LRRC4C: variants seen among roughly 807,000 people sequenced by gnomAD.
The protein encoded by LRRC4C is leucine-rich repeat-containing protein 4C.
LRRC4C carries 5 observed loss-of-function variants against 33.6 expected under a neutral mutation model. The observed-to-expected ratio is 0.15, with a 90% CI of 0.08 to 0.31. The LOEUF (loss-of-function observed/expected upper bound fraction) is 0.31, where lower values mean the gene tolerates loss of function less well. Among genes scored for constraint, LRRC4C ranks in the 10% least tolerant of loss-of-function variants. The probability of loss-of-function intolerance (pLI) is 1.00; values close to 1 mark genes in which losing one functional copy is unlikely to be tolerated. For missense variants in LRRC4C, 560 were observed against 796.7 expected, an observed-to-expected ratio of 0.70 and a Z score of 3.58; for synonymous variants, 329 against 302.0, an observed-to-expected ratio of 1.09 and a Z score of -0.93.
At chr11:40,643,921 C>T (rs1942274738) in intron 3 of LRRC4C, among the ~76,000 whole-genome samples, 1 of 152,112 alleles carries the variant, frequency 6.6e-6, no homozygotes, top group African/African-American at 2.4e-5. Flanking sequence ...CTCATAATAT[C>T]ATACTCAAAA....
In LRRC4C at chr11:40,380,968, T is replaced by C. The variant is rs183570301; in HGVS notation, c.-269-61247A>G. ...GCTATTCCGTGCATGCGAGTCTCTG[T>C]GTGTGCATGTGTGTGCACTTAGCTC... is the stretch of plus-strand genomic sequence containing the variant. On this transcript the variant is annotated intron_variant, in intron 3 of 6. Coordinates refer to ENST00000528697, the MANE Select transcript of LRRC4C (RefSeq NM_001258419.2). Among the ~76,000 whole-genome samples, 679 of 152,332 alleles carry C rather than the reference T, an allele frequency of 4.5e-3. 5 individuals carry two copies. The highest frequency in any genetic ancestry group is 0.018 in the Admixed American group (272 of 15,298).
intron 2 of LRRC4C, among the ~76,000 whole-genome samples, chr11:40,876,077 T>A (rs1404086264): frequency 6.6e-6 from 1 of 152,068 alleles, no homozygotes; most frequent in Non-Finnish European, 1.5e-5. Flanking sequence ...TTTTGTGGCA[T>A]CCTCAGGATA....
chr11:40,705,618 T>C (rs1279031690), intron 2 of LRRC4C, among the ~76,000 whole-genome samples: 1 of 151,824 alleles, frequency 6.6e-6, no homozygotes, highest in East Asian at 2.0e-4. Context: ...GATGGACATA[T>C]GGGTTGGTTC....
intron 2 of LRRC4C, among the ~76,000 whole-genome samples, chr11:40,931,654 G>GGTGTGTGT (rs571620765): frequency 1.3e-5 from 2 of 151,660 alleles, no homozygotes; most frequent in Non-Finnish European, 2.9e-5. Flanking sequence ...AGGATAAAGG[G>GGTGTGTGT]GTGTGTATGT....
chr11:40,903,027 G>A (rs1322564634), intron 2 of LRRC4C, among the ~76,000 whole-genome samples: 1 of 152,154 alleles, frequency 6.6e-6, no homozygotes, highest in Non-Finnish European at 1.5e-5. Flanking sequence ...CTTTATGTTG[G>A]AAGAAGATGC....
chr11:40,134,800 T>C (rs544759351), intron 6 of LRRC4C, among the ~76,000 whole-genome samples: 2 of 152,364 alleles, frequency 1.3e-5, no homozygotes, highest in South Asian at 2.1e-4. Flanking sequence ...GATTTCTGTA[T>C]ATTTTTTAGT....
intron 1 of LRRC4C, among the ~76,000 whole-genome samples, chr11:41,086,450 G>A (rs1019524236): frequency 1.6e-4 from 24 of 152,094 alleles, no homozygotes; most frequent in Admixed American, 8.5e-4. Context: ...ATTGTAAAAC[G>A]TTGCTATAAA....
At chr11:40,159,598 T>C (rs1858992375) in intron 5 of LRRC4C, among the ~76,000 whole-genome samples, 1 of 152,214 alleles carries the variant, frequency 6.6e-6, no homozygotes, top group African/African-American at 2.4e-5. Flanking sequence ...TTCATAGTTC[T>C]CCAGATGTGC....
chr11:40,504,895 T>A (rs562270971), intron 3 of LRRC4C, among the ~76,000 whole-genome samples: 1 of 152,302 alleles, frequency 6.6e-6, no homozygotes, highest in Non-Finnish European at 1.5e-5. Flanking sequence ...TTAAACCACG[T>A]AAACAGTACT....
At chr11:40,901,999 T>TCCAC (rs1956224533) in intron 2 of LRRC4C, among the ~76,000 whole-genome samples, 1 of 139,738 alleles carries the variant, frequency 7.2e-6, no homozygotes, top group Non-Finnish European at 1.6e-5. Context: ...TCTCTCTCTC[T>TCCAC]ACACACACAC....
At chr11:40,987,111 A>G (rs1853072753) in intron 1 of LRRC4C, among the ~76,000 whole-genome samples, 1 of 152,134 alleles carries the variant, frequency 6.6e-6, no homozygotes, top group African/African-American at 2.4e-5. Flanking sequence ...CTGAACAAAC[A>G]TGTATTAGAA....
chr11:40,460,254 G>A lies in LRRC4C; in HGVS notation c.-269-140533C>T, dbSNP rs141308432. Among the ~76,000 whole-genome samples, 12 of 152,082 alleles carry A rather than the reference G, an allele frequency of 7.9e-5. No individual in the cohort carries two copies. In the East Asian group the frequency reaches 2.3e-3, roughly 30 times the overall value. ...ACTGTGCTACATGTTTGCAATACAT[G>A]GTTTCTGTACTACAGAACCTAACAT... On this transcript the variant is annotated intron_variant, in intron 3 of 6. Transcript: ENST00000528697.
intron 3 of LRRC4C, among the ~76,000 whole-genome samples, chr11:40,608,281 T>C (rs1960843072): frequency 6.6e-6 from 1 of 152,146 alleles, no homozygotes; most frequent in Non-Finnish European, 1.5e-5. Context: ...AGTGCTTTTA[T>C]GTAATTGAAA....
intron 5 of LRRC4C, among the ~76,000 whole-genome samples, chr11:40,190,994 G>T (rs576433860): frequency 1.3e-5 from 2 of 152,278 alleles, no homozygotes; most frequent in Non-Finnish European, 2.9e-5. Flanking sequence ...TTAGTTTTTT[G>T]ATCTAGTCAG....
chr11:41,154,874 T>C (rs1590775149), intron 1 of LRRC4C, among the ~76,000 whole-genome samples: 1 of 152,128 alleles, frequency 6.6e-6, no homozygotes, highest in Non-Finnish European at 1.5e-5. Context: ...AAAGTTTAAA[T>C]TTGAAGATAA....
intron 2 of LRRC4C, among the ~76,000 whole-genome samples, chr11:40,731,806 A>G (rs868721982): frequency 1.3e-5 from 2 of 152,206 alleles, no homozygotes; most frequent in African/African-American, 4.8e-5. Flanking sequence ...CACAGTTAAC[A>G]AAAGTAAACA....
chr11:40,775,817 A>C (rs1476668323), intron 2 of LRRC4C, among the ~76,000 whole-genome samples: 1 of 152,184 alleles, frequency 6.6e-6, no homozygotes, highest in African/African-American at 2.4e-5. Context: ...ACCCTGTTGA[A>C]CAGGAATGGT....
intron 1 of LRRC4C, among the ~76,000 whole-genome samples, chr11:41,227,723 A>C (rs1947605309): frequency 6.6e-6 from 1 of 152,046 alleles, no homozygotes; most frequent in Non-Finnish European, 1.5e-5. Flanking sequence ...AAATAATTGA[A>C]GTCCACTTTG....
chr11:40,631,597 T>C (rs373788547), intron 3 of LRRC4C, among the ~76,000 whole-genome samples: 3 of 152,240 alleles, frequency 2.0e-5, no homozygotes, highest in African/African-American at 7.2e-5. Flanking sequence ...GTGGACCATC[T>C]TACTTCATTT....
Sources: allele counts gnomAD v4.1 joint callset (sites outside exome capture counted in the v4.1 genomes callset), GRCh38; gene constraint gnomAD v4.1.1; transcripts MANE v1.5; gene names NCBI Gene and HGNC (gene_info 2026-07-23, HGNC 2026-07-21).